The following ZBTB5 variants were observed in gnomAD, a reference collection of about 807,000 sequenced individuals.
ZBTB5 encodes zinc finger and BTB domain containing 5.
A neutral mutation model predicts 37.9 loss-of-function variants in ZBTB5; 15 were observed. The ratio of observed to expected loss-of-function variants is 0.40; its 90% CI spans 0.26 to 0.61. The LOEUF is 0.61. Ranked by LOEUF, ZBTB5 falls within the 20% of genes least tolerant of loss-of-function variation. The pLI is 0.47. For missense variants in ZBTB5, 708 were observed against 856.8 expected (o/e 0.83, Z 2.17); for synonymous variants, 315 against 312.4 (o/e 1.01, Z -0.09).
At chr9:37,460,734 G>A (rs2118961439) in intron 1 of ZBTB5, among the ~76,000 whole-genome samples, 1 of 152,134 alleles carries the variant, frequency 6.6e-6, no homozygotes, top group South Asian at 2.1e-4. Flanking sequence ...GGGCGTGGTG[G>A]TGCATGCCTG....
chr9:37,456,238 A>AC (rs1027178028), intron 1 of ZBTB5, among the ~76,000 whole-genome samples: 2 of 152,066 alleles, frequency 1.3e-5, no homozygotes. Context: ...GCCGTGAGCC[A>AC]CCCACCCACC....
intron 1 of ZBTB5, among the ~76,000 whole-genome samples, chr9:37,459,763 T>G (rs1158373376): frequency 1.4e-5 from 2 of 147,230 alleles, no homozygotes; most frequent in Admixed American, 6.9e-5. Flanking sequence ...CAGGCTGGAG[T>G]GCAGTGGTGC....
chr9:37,445,969 C>T (rs551536200), intron 1 of ZBTB5, among the ~76,000 whole-genome samples: 92 of 151,950 alleles, frequency 6.1e-4, no homozygotes, highest in African/African-American at 2.1e-3. Flanking sequence ...GCCATGGTGG[C>T]GAGTGCCTGC....
chr9:37,450,425 T>C (rs1396786620), intron 1 of ZBTB5, among the ~76,000 whole-genome samples: 1 of 152,184 alleles, frequency 6.6e-6, no homozygotes, highest in African/African-American at 2.4e-5. Context: ...TGCGAATTGC[T>C]GATCTAACAA....
At chr9:37,458,575 T>TA (rs964845214) in intron 1 of ZBTB5, among the ~76,000 whole-genome samples, 1 of 152,224 alleles carries the variant, frequency 6.6e-6, no homozygotes, top group African/African-American at 2.4e-5. Flanking sequence ...TTATTGCCAA[T>TA]AAAAAAGTTT....
At chr9:37,447,985 CA>C (rs1453401865) in intron 1 of ZBTB5, among the ~76,000 whole-genome samples, 1 of 152,068 alleles carries the variant, frequency 6.6e-6, no homozygotes, top group East Asian at 1.9e-4. Flanking sequence ...GGCAAGCCCT[CA>C]TCTCTAAAAT....
chr9:37,460,829 C>T (rs1824280035), intron 1 of ZBTB5, among the ~76,000 whole-genome samples: 1 of 151,948 alleles, frequency 6.6e-6, no homozygotes, highest in African/African-American at 2.4e-5. Flanking sequence ...GACCATCCCA[C>T]TACACTCCAG....
intron 1 of ZBTB5, among the ~76,000 whole-genome samples, chr9:37,446,161 A>T: frequency 6.6e-6 from 1 of 152,356 alleles, no homozygotes; most frequent in South Asian, 2.1e-4. Context: ...TTAAATTTAA[A>T]AAAGGTAGAT....
intron 1 of ZBTB5, among the ~76,000 whole-genome samples, chr9:37,455,213 A>C (rs1762406041): frequency 6.6e-6 from 1 of 152,186 alleles, no homozygotes; most frequent in Non-Finnish European, 1.5e-5. Flanking sequence ...AGCGTGGCCA[A>C]GGAGAGAAGA....
rs771694983 is a variant in ZBTB5, at chr9:37,441,852, A to T, written c.700T>A (p.Ser234Thr). 12 of 1,614,030 alleles carry T rather than the reference A, an allele frequency of 7.4e-6. No homozygotes were observed. In the Admixed American group the frequency reaches 2.0e-4, roughly 27 times the overall value. Residue 234 changes from serine (S) to threonine (T), a missense_variant, in exon 2 of 2, where the codon TCA (serine) becomes ACA (threonine). By Grantham distance (58) the Ser-to-Thr change is moderately conservative. Around this residue, in one of 3 missense-constraint regions of ZBTB5, gnomAD observed 639 missense variants for 690.5 expected, o/e 0.93. Transcript: ENST00000307750. ...TCCACAATTTTCAGAGAATCTGGTG[A>T]AAAGAACTCCTCCCGAGAATGAACC... ...SGVHSREEFF[S>T]PDSLKIVDNP... is the part of the protein sequence containing the mutation.
In ZBTB5 at chr9:37,441,965, G is replaced by A; in HGVS notation, c.587C>T (p.Ser196Phe). 1 of 1,613,932 alleles carries A rather than the reference G, an allele frequency of 6.2e-7. No homozygotes were observed. Among genetic ancestry groups the A allele is most frequent in the Admixed American group, 1.7e-5 (1 of 60,028 alleles). ...GCGCTGCCTGGCCCGCTCCTCTGCA[G>A]ACTGCTTGCGCTTATGAAGGCGTCT... ...PMRRLHKRKQ[S>F]AEERARQRLR... The change falls in exon 2 of 2, where the codon TCT becomes TTT. Residue 196 changes from serine to phenylalanine, a missense_variant. This residue lies in a region of ZBTB5 where 639 missense variants were observed against 690.5 expected (regional missense o/e 0.93). Transcript: ENST00000307750.
chr9:37,458,054 C>T (rs1478940686), intron 1 of ZBTB5, among the ~76,000 whole-genome samples: 4 of 152,130 alleles, frequency 2.6e-5, no homozygotes, highest in Non-Finnish European at 5.9e-5. Flanking sequence ...TCATTGGTTG[C>T]AGCAACAAAA....
intron 1 of ZBTB5, among the ~76,000 whole-genome samples, chr9:37,460,438 C>A (rs1189011801): frequency 6.6e-6 from 1 of 151,642 alleles, no homozygotes; most frequent in East Asian, 1.9e-4. Context: ...GAACACTCCC[C>A]CCCCAAAAAA....
rs572034094 is a variant in ZBTB5, at chr9:37,443,796, C to T, written c.-4-1241G>A. ...AAATACAAAAAATTAGCCGGGCATG[C>T]TGGTATGTGCCTTCAGCTACTCAGG... On this transcript the variant is annotated intron_variant, in intron 1 of 1. Transcript: ENST00000307750. Among the ~76,000 whole-genome samples, 10 of 152,072 alleles carry T rather than the reference C, an allele frequency of 6.6e-5. No individual in the cohort carries two copies. The South Asian group carries it at 2.1e-3, about 32-fold the overall frequency.
Position 37,440,658 on chromosome 9 carries a change from T to C in ZBTB5, c.1894A>G (p.Ile632Val). ...FLTLTDCKKH[I>V]RVHTGEKPYA... ...GGCTTTTCACCTGTGTGAACACGGA[T>C]GTGCTTCTTGCAATCTGTCAAAGTC... is the stretch of plus-strand genomic sequence containing the variant. Residue 632 changes from isoleucine to valine, a missense_variant, in exon 2 of 2, where the codon ATC becomes GTC. Ile to Val is a conservative substitution (Grantham distance 29). This residue lies in a region of ZBTB5 where 42 missense variants were observed against 107.9 expected (regional missense o/e 0.39). Transcript: ENST00000307750. 1.2e-6 allele frequency: 2 copies of C among 1,614,262 alleles called. No individual in the cohort carries two copies. The highest frequency in any genetic ancestry group is 4.5e-5 in the East Asian group (2 of 44,884).
intron 1 of ZBTB5, among the ~76,000 whole-genome samples, chr9:37,463,922 AC>A (rs1410816366): frequency 6.6e-6 from 1 of 152,202 alleles, no homozygotes; most frequent in Non-Finnish European, 1.5e-5. Context: ...AAGTAGTCTT[AC>A]CTGTAAGGTC....
intron 1 of ZBTB5, among the ~76,000 whole-genome samples, chr9:37,459,135 A>C (rs1271180014): frequency 6.6e-6 from 1 of 152,226 alleles, no homozygotes; most frequent in African/African-American, 2.4e-5. Context: ...ATTAAACTAC[A>C]TATTAAAGAG....
intron 1 of ZBTB5, among the ~76,000 whole-genome samples, chr9:37,445,071 A>T (rs1202700251): frequency 3.9e-5 from 6 of 152,172 alleles, no homozygotes; most frequent in African/African-American, 1.4e-4. Flanking sequence ...AGAAGTTTTT[A>T]AATGGATCAA....
rs757598933 is a variant in ZBTB5, at chr9:37,440,495, C to T, written c.*23G>A. 34 of 1,603,590 alleles carry T rather than the reference C, an allele frequency of 2.1e-5. No homozygotes were observed. The highest frequency in any genetic ancestry group is 5.4e-5 in the African/African-American group (4 of 74,674). On this transcript the variant is annotated 3_prime_UTR_variant, in exon 2 of 2. Coordinates refer to ENST00000307750, the MANE Select transcript of ZBTB5 (RefSeq NM_014872.3). ...AATTCAGTCTGACAACTGGCCTCAG[C>T]GTTGTCTTGTAAGGACAAACAGCTA...
Sources: allele counts gnomAD v4.1 joint callset (sites outside exome capture counted in the v4.1 genomes callset), GRCh38; gene constraint gnomAD v4.1.1; regional missense constraint gnomAD v4.1.1; transcripts MANE v1.5; gene names NCBI Gene and HGNC (gene_info 2026-07-23, HGNC 2026-07-21).